The following WDR27 variants were observed in gnomAD, a reference collection of about 807,000 sequenced individuals.
WDR27 encodes the protein WD repeat domain 27.
WDR27 carries 100 observed loss-of-function variants against 114.4 expected under a neutral mutation model. The ratio of observed to expected loss-of-function variants is 0.87; its 90% CI spans 0.74 to 1.03. The LOEUF (loss-of-function observed/expected upper bound fraction) is 1.03. Ranked by LOEUF, WDR27 falls within the 50% of genes least tolerant of loss-of-function variation. WDR27 has a pLI of 0.00. For synonymous variants in WDR27, 449 were observed against 423.1 expected (o/e 1.06, Z -0.75); for missense variants, 1,129 against 1,092.9 (o/e 1.03, Z -0.47).
the WDR27 span, among the ~76,000 whole-genome samples, chr6:169,439,104 A>C: frequency 6.6e-6 from 1 of 152,210 alleles, no homozygotes. Context: ...CCCCAAAAAA[A>C]CATCAAACGA....
At position 169,658,368 on chromosome 6, in the gene WDR27, A is replaced by G; in HGVS notation, c.1320-10T>C. On this transcript the variant is annotated splice_polypyrimidine_tract_variant and intron_variant, in intron 12 of 25. Transcript: ENST00000448612. ...CGGTAGGACACAGGAGCTGAAACAG[A>G]AACAAGCCCCATGAAACTAGGAGCG... The G allele has an allele frequency of 6.3e-7, 1 of 1,587,226 alleles. No homozygotes were observed. Among genetic ancestry groups the G allele is most frequent in the Non-Finnish European group, 8.6e-7 (1 of 1,166,602 alleles).
intron 23 of WDR27, among the ~76,000 whole-genome samples, chr6:169,584,942 G>A (rs551928221): frequency 1.3e-5 from 2 of 152,188 alleles, no homozygotes; most frequent in East Asian, 3.9e-4. Flanking sequence ...AAAACAATGT[G>A]GTACTGCCAA....
At chr6:169,672,788 C>T (rs1021985968) in intron 2 of WDR27, among the ~76,000 whole-genome samples, 10 of 152,158 alleles carry the variant, frequency 6.6e-5, no homozygotes, top group South Asian at 2.1e-4. Flanking sequence ...GGGTAAGAAA[C>T]GGCTGGGACA....
chr6:169,480,053 G>A lies in WDR27; in HGVS notation c.2646-22419C>T, dbSNP rs575063901. Among the ~76,000 whole-genome samples, 309 of 152,302 alleles carry A rather than the reference G, an allele frequency of 2.0e-3. 3 individuals carry two copies. In the Middle Eastern group the frequency reaches 0.02, roughly 10 times the overall value. On this transcript the variant is annotated intron_variant, in intron 25 of 25. Coordinates refer to ENST00000448612, the MANE Select transcript of WDR27 (RefSeq NM_182552.5). The stretch of plus-strand genomic sequence containing the variant: ...GGTGTGGAGGGAGAGGCGTGGGCAG[G>A]AACCAGGGCTGTGCATGGCGCTCGC...
chr6:169,618,721 A>G (rs1450568600), intron 21 of WDR27, among the ~76,000 whole-genome samples: 2 of 148,652 alleles, frequency 1.3e-5, no homozygotes, highest in Non-Finnish European at 3.0e-5. Flanking sequence ...GCCCTGTTTT[A>G]TATGTTACTG....
At chr6:169,650,432 C>T (rs755355211) in intron 14 of WDR27, among the ~76,000 whole-genome samples, 15 of 146,614 alleles carry the variant, frequency 1.0e-4, no homozygotes, top group Non-Finnish European at 2.1e-4. Context: ...ACTCATCCAC[C>T]TCTCATCTCT....
intron 25 of WDR27, among the ~76,000 whole-genome samples, chr6:169,480,930 T>C (rs962241506): frequency 1.3e-5 from 2 of 151,664 alleles, no homozygotes; most frequent in African/African-American, 2.4e-5. Flanking sequence ...GGAGAACTTT[T>C]ATGTCTAGCT....
At chr6:169,618,260 TTTAA>T in intron 21 of WDR27, among the ~76,000 whole-genome samples, 1 of 152,334 alleles carries the variant, frequency 6.6e-6, no homozygotes, top group South Asian at 2.1e-4. Context: ...ACACATTGTT[TTTAA>T]TTAAAATTAG....
At chr6:169,519,524 G>T (rs1030288921) in intron 25 of WDR27, among the ~76,000 whole-genome samples, 2 of 151,954 alleles carry the variant, frequency 1.3e-5, no homozygotes, top group Admixed American at 1.3e-4. Flanking sequence ...AGAATGGGGG[G>T]TGGGAAGGTG....
the WDR27 span, among the ~76,000 whole-genome samples, chr6:169,432,282 C>A: frequency 6.6e-6 from 1 of 152,296 alleles, no homozygotes; most frequent in African/African-American, 2.4e-5. Flanking sequence ...TCTTTTAAAT[C>A]TCCTCACCTA....
intron 25 of WDR27, among the ~76,000 whole-genome samples, chr6:169,500,249 G>A (rs1445960230): frequency 6.6e-6 from 1 of 152,172 alleles, no homozygotes; most frequent in Non-Finnish European, 1.5e-5. Flanking sequence ...GTGGAATACA[G>A]GCCGCTTGGA....
intron 13 of WDR27, among the ~76,000 whole-genome samples, chr6:169,657,429 G>GA (rs1354494847): frequency 6.6e-6 from 1 of 152,232 alleles, no homozygotes; most frequent in Non-Finnish European, 1.5e-5. Flanking sequence ...CCGGCCCGGG[G>GA]AGAGGCCCAA....
In WDR27 at chr6:169,648,012, T is replaced by C. The variant is rs930423210; in HGVS notation, c.1560-142A>G. The C allele has an allele frequency of 8.4e-6, 5 of 592,846 alleles. No individual in the cohort carries two copies. The African/African-American group carries it at 9.7e-5, about 11-fold the overall frequency. The allele number at this position is 592,846 out of a possible 1,614,324, so 36.7% of individuals were successfully genotyped here. A position where few individuals can be genotyped will look rare whatever the true frequency, so the allele number is the denominator to read the frequency against. On this transcript the variant is annotated intron_variant, in intron 15 of 25. Coordinates refer to ENST00000448612, the MANE Select transcript of WDR27 (RefSeq NM_182552.5). ...GTAAACTTGAATATTTATCTATATG[T>C]CTATATTTAGACTCTTATATTCAAA...
intron 25 of WDR27, among the ~76,000 whole-genome samples, chr6:169,515,628 C>T (rs1793544641): frequency 6.6e-6 from 1 of 151,846 alleles, no homozygotes; most frequent in Non-Finnish European, 1.5e-5. Context: ...AATTGAAAGC[C>T]TTTCTTTGTG....
At chr6:169,572,191 A>C in intron 25 of WDR27, among the ~76,000 whole-genome samples, 1 of 152,216 alleles carries the variant, frequency 6.6e-6, no homozygotes, top group Non-Finnish European at 1.5e-5. Context: ...CATTAGGTAA[A>C]ACATTGAGTC....
At chr6:169,680,348 C>T (rs931247777) in intron 2 of WDR27, among the ~76,000 whole-genome samples, 4 of 152,122 alleles carry the variant, frequency 2.6e-5, no homozygotes, top group Non-Finnish European at 4.4e-5. Context: ...TTTGGGAGGC[C>T]GAGGCAGGTG....
At chr6:169,644,163 A>AACCCT (rs1819897803) in intron 16 of WDR27, among the ~76,000 whole-genome samples, 2 of 144,334 alleles carry the variant, frequency 1.4e-5, no homozygotes, top group African/African-American at 5.2e-5. Flanking sequence ...CACTGTAGAA[A>AACCCT]AGCCTAGTTC....
chr6:169,665,310 A>G, intron 7 of WDR27, 176 bp downstream of exon 7: 1 of 1,395,236 alleles, frequency 7.2e-7, no homozygotes, highest in Non-Finnish European at 9.3e-7. Context: ...GCCCAGGACC[A>G]TATTGAACCC....
At position 169,507,673 on chromosome 6, in the gene WDR27, T is replaced by C. The variant is rs73789986; in HGVS notation, c.2646-50039A>G. Among the ~76,000 whole-genome samples, 932 of 152,368 alleles carry C rather than the reference T, an allele frequency of 6.1e-3. 12 individuals are homozygous for C. Among genetic ancestry groups the C allele is most frequent in the African/African-American group, 0.022 (897 of 41,592 alleles). On this transcript the variant is annotated intron_variant, in intron 25 of 25. Transcript: ENST00000448612. ...TCATGAAACAGACCTGCTCATTGCC[T>C]GTTTCTGCATATCCAGTAGATAAGA... is the stretch of plus-strand genomic sequence containing the variant.
Sources: gnomAD v4.1 joint callset for allele counts (sites outside exome capture counted in the v4.1 genomes callset) on GRCh38, gnomAD v4.1.1 for gene constraint, MANE v1.5 for transcripts, NCBI Gene and HGNC (gene_info 2026-07-23, HGNC 2026-07-21) for gene names.